The following LRRC45 variants were observed in gnomAD, a reference collection of about 807,000 sequenced individuals.
LRRC45 encodes leucine-rich repeat-containing protein 45.
A neutral mutation model predicts 85.4 loss-of-function variants in LRRC45; 73 were observed. That is an observed-to-expected ratio of 0.85 (90% CI 0.71 to 1.04). LRRC45 has a LOEUF of 1.04. Among genes scored for constraint, LRRC45 ranks in the 50% least tolerant of loss-of-function variants. The pLI, the probability that LRRC45 is intolerant of heterozygous loss-of-function variation, is 0.00. For synonymous variants in LRRC45, 429 were observed against 386.0 expected, an observed-to-expected ratio of 1.11 and a Z score of -1.31; for missense variants, 937 against 883.3, an observed-to-expected ratio of 1.06 and a Z score of -0.77.
chr17:82,026,838 C>T, intron 5 of LRRC45, 61 bp from the exon 6 acceptor site: 2 of 1,431,910 alleles, frequency 1.4e-6, no homozygotes, highest in Non-Finnish European at 1.9e-6. Context: ...CCTCGACCTC[C>T]CAAAGTGCTG....
At chr17:82,025,252 G>A (rs915819133) in intron 4 of LRRC45, 74 bp downstream of exon 4, 3 of 1,535,372 alleles carry the variant, frequency 2.0e-6, no homozygotes, top group East Asian at 2.3e-5. Flanking sequence ...TGAGGGGCTA[G>A]GGGACTGGCC....
At position 82,028,085 on chromosome 17, in the gene LRRC45, C is replaced by T. The variant is rs2043384462; in HGVS notation, c.986C>T (p.Ala329Val). Reference protein sequence around the residue: ...AQDLGELLATAEQEQLSLSQR... With the variant: ...AQDLGELLATVEQEQLSLSQR... The stretch of plus-strand genomic sequence containing the variant: ...GACCTGGGGGAGCTCCTGGCCACAG[C>T]GGAGCAGGAGCAGCTGAGCCTGTCA... The change falls in exon 9 of 17, where the codon GCG becomes GTG. Residue 329 changes from alanine to valine, a missense_variant. Coordinates refer to ENST00000306688, the MANE Select transcript of LRRC45 (RefSeq NM_144999.4). 5 of 1,590,474 alleles carry T rather than the reference C, an allele frequency of 3.1e-6. No homozygotes were observed. The highest frequency in any genetic ancestry group is 4.3e-6 in the Non-Finnish European group (5 of 1,170,116).
At chr17:82,027,953 C>T (rs2043383202) in intron 8 of LRRC45, 58 bp from the exon 9 acceptor site, 1 of 1,552,536 alleles carries the variant, frequency 6.4e-7, no homozygotes, top group South Asian at 1.2e-5. Context: ...GCAGCGAGGC[C>T]TTTATAAGGC....
Position 82,030,125 on chromosome 17 carries a change from G to T in LRRC45, c.1555G>T (p.Ala519Ser). The T allele has an allele frequency of 6.5e-7, 1 of 1,547,858 alleles. No homozygotes were observed. The highest frequency in any genetic ancestry group is 1.2e-5 in the South Asian group (1 of 84,034). Residue 519 changes from alanine (A) to serine (S), a missense_variant, in exon 15 of 17, where the codon GCG (alanine) becomes TCG (serine). Ala to Ser is a moderately conservative substitution (Grantham distance 99, BLOSUM62 1). Transcript: ENST00000306688. ...ACTGCTGGCGCAGGCACGGGACGAG[G>T]CGCAGGGCGCTTGCCTACAGCAGAA... is the stretch of plus-strand genomic sequence containing the variant. Reference protein sequence around the residue: ...LRLLAQARDEAQGACLQQKQV... With the variant: ...LRLLAQARDESQGACLQQKQV...
intron 5 of LRRC45, among the ~76,000 whole-genome samples, chr17:82,026,621 C>T (rs1240537305): frequency 1.4e-5 from 2 of 143,812 alleles, no homozygotes; most frequent in Non-Finnish European, 3.0e-5. Flanking sequence ...ACTCAGTCAC[C>T]CAGGCTGGAG....
intron 5 of LRRC45, among the ~76,000 whole-genome samples, chr17:82,026,564 TTGTGTGTGTGTGTGTGTG>T (rs550616399): frequency 2.2e-5 from 3 of 137,464 alleles, no homozygotes; most frequent in East Asian, 2.2e-4. Flanking sequence ...CACAGCTCCT[TTGTGTGTGTGTGTGTGTG>T]TGTGTGTGTG....
At chr17:82,025,788 G>T (rs1328831352) in intron 5 of LRRC45, among the ~76,000 whole-genome samples, 2 of 152,198 alleles carry the variant, frequency 1.3e-5, no homozygotes, top group East Asian at 1.9e-4. Flanking sequence ...AGGCCGTGTG[G>T]CTCACAGTCC....
At position 82,030,741 on chromosome 17, in the gene LRRC45, T is replaced by G. The variant is rs1568017267; in HGVS notation, c.1949T>G (p.Leu650Arg). The change falls in exon 17 of 17, where the codon CTG becomes CGG. Residue 650 changes from leucine to arginine, a missense_variant. Coordinates refer to ENST00000306688, the MANE Select transcript of LRRC45 (RefSeq NM_144999.4). ...GAGGAGGCCCAGAGGGCGAGCTTCC[T>G]GCAGAACGCCGTCCTGGCTTACGTG... ...RDEEAQRASF[L>R]QNAVLAYVQA... is the part of the protein sequence containing the mutation. 2.7e-6 allele frequency: 4 copies of G among 1,479,264 alleles called. No homozygotes were observed. Among genetic ancestry groups the G allele is most frequent in the Non-Finnish European group, 2.7e-6 (3 of 1,103,622 alleles). 91.6% of individuals were successfully genotyped at this position (1,479,264 alleles called of 1,614,324 possible). A position where few individuals can be genotyped will look rare whatever the true frequency, so the allele number is the denominator to read the frequency against.
chr17:82,027,932 C>T, intron 8 of LRRC45, 79 bp from the exon 9 acceptor site: 1 of 1,540,488 alleles, frequency 6.5e-7, no homozygotes, highest in Non-Finnish European at 8.7e-7. Flanking sequence ...AGGTGCCCAG[C>T]AACAGTGAAA....
In LRRC45 at chr17:82,028,784, T is replaced by C. The variant is rs954226224; in HGVS notation, c.1308+101T>C. On this transcript the variant is annotated intron_variant, in intron 12 of 16. Transcript: ENST00000306688. ...CTGGTGGGAGCTTCCCTTGCCAACC[T>C]TGGGTCACTGGGTGGCCGTATTTTG... 7 of 1,314,850 alleles carry C rather than the reference T, an allele frequency of 5.3e-6. No homozygotes were observed. In the African/African-American group the frequency reaches 5.9e-5, roughly 11 times the overall value. 81.4% of individuals were successfully genotyped at this position (1,314,850 alleles called of 1,614,324 possible).
chr17:82,029,367 G>A (rs536183637), intron 13 of LRRC45, 176 bp from the exon 14 acceptor site: 45 of 899,630 alleles, frequency 5.0e-5, no homozygotes, highest in Non-Finnish European at 7.2e-5. Flanking sequence ...GGTGGCATTC[G>A]GACTTCCTTG....
At position 82,030,823 on chromosome 17, in the gene LRRC45, C is replaced by T. The variant is rs535394456; in HGVS notation, c.*18C>T. ...CAAAGTGAGACAGGCCGGGAGGACC[C>T]GGGCGCAGTAGGAGTGCATCAGGCG... is the stretch of plus-strand genomic sequence containing the variant. On this transcript the variant is annotated 3_prime_UTR_variant, in exon 17 of 17. Coordinates refer to ENST00000306688, the MANE Select transcript of LRRC45 (RefSeq NM_144999.4). The T allele has an allele frequency of 2.7e-5, 36 of 1,330,452 alleles. No homozygotes were observed. The East Asian group carries it at 9.5e-4, about 35-fold the overall frequency. 82.4% of individuals were successfully genotyped at this position (1,330,452 alleles called of 1,614,324 possible).
Position 82,023,453 on chromosome 17 carries a change from G to A in LRRC45, c.-191G>A. On this transcript the variant is annotated 5_prime_UTR_variant, in exon 1 of 17. Coordinates refer to ENST00000306688, the MANE Select transcript of LRRC45 (RefSeq NM_144999.4). ...AAGCACTGCGGGGCCCCAGCCCAAA[G>A]CGGACCTTGACTACCGCCCAGCCCC... is the stretch of plus-strand genomic sequence containing the variant. 1 of 574,146 alleles carries A rather than the reference G, an allele frequency of 1.7e-6. No individual in the cohort carries two copies. Among genetic ancestry groups the A allele is most frequent in the East Asian group, 3.2e-5 (1 of 31,578 alleles). The allele number at this position is 574,146 out of a possible 1,614,324, so 35.6% of individuals were successfully genotyped here. A position where few individuals can be genotyped will look rare whatever the true frequency, so the allele number is the denominator to read the frequency against.
At chr17:82,026,677 C>T in intron 5 of LRRC45, 1 of 398,112 alleles carries the variant, frequency 2.5e-6, no homozygotes. Flanking sequence ...CCTCCCGGTT[C>T]AAGCGATTTT....
Position 82,027,002 on chromosome 17 carries a change from G to T in LRRC45, c.765G>T (p.Lys255Asn). 6.3e-7 allele frequency: 1 copy of T among 1,597,324 alleles called. No individual in the cohort carries two copies. ...SKEVQHLREE[K>N]SKQFLDLMET... Reference sequence around the variant, plus strand: ...AGGTCCAGCACCTCCGGGAGGAGAAGTCCAAGCAGGTGAGGATGGCGCCTT... The same window carrying T: ...AGGTCCAGCACCTCCGGGAGGAGAATTCCAAGCAGGTGAGGATGGCGCCTT... The change falls in exon 6 of 17, where the codon AAG (lysine) becomes AAT (asparagine). Residue 255 changes from lysine (K) to asparagine (N), a missense_variant. Physicochemically the swap from Lys to Asn is moderately conservative, Grantham distance 94. Coordinates refer to ENST00000306688, the MANE Select transcript of LRRC45 (RefSeq NM_144999.4).
chr17:82,023,993 C>A (rs1343175939), intron 1 of LRRC45, 130 bp downstream of exon 1: 6 of 864,812 alleles, frequency 6.9e-6, no homozygotes, highest in African/African-American at 3.4e-5. Flanking sequence ...AGGGGCGCCC[C>A]TTCCTGCACC....
chr17:82,023,594 T>G lies in LRRC45; in HGVS notation c.-50T>G. On this transcript the variant is annotated 5_prime_UTR_variant, in exon 1 of 17. Transcript: ENST00000306688. Reference sequence around the variant, plus strand: ...ACTGCTCCGCACCGCGCGGCTCCCTTTCAGCAGCTGCGGGAGCATGCGGAG... The same window carrying G: ...ACTGCTCCGCACCGCGCGGCTCCCTGTCAGCAGCTGCGGGAGCATGCGGAG... 1 of 1,455,970 alleles carries G rather than the reference T, an allele frequency of 6.9e-7. No homozygotes were observed. Among genetic ancestry groups the G allele is most frequent in the Middle Eastern group, 2.5e-4 (1 of 4,016 alleles). The allele number at this position is 1,455,970 out of a possible 1,614,324, so 90.2% of individuals were successfully genotyped here.
rs1278246588 is a variant in LRRC45, at chr17:82,025,181, G to A, written c.532+3G>A. On this transcript the variant is annotated splice_donor_region_variant and intron_variant, in intron 4 of 16. Transcript: ENST00000306688. ...CAACACCACCCTCCAGCAGCTGGGT[G>A]AGGCCTCCCAGGCGCCCTCAGGCTC... The A allele has an allele frequency of 6.3e-7, 1 of 1,588,136 alleles. No homozygotes were observed. The highest frequency in any genetic ancestry group is 1.7e-5 in the Admixed American group (1 of 57,388).
chr17:82,025,630 C>A, intron 5 of LRRC45, 123 bp downstream of exon 5: 1 of 1,274,164 alleles, frequency 7.8e-7, no homozygotes, highest in Non-Finnish European at 1.0e-6. Flanking sequence ...CCAGGGGAAG[C>A]AGGAAGGAGC....
Sources: allele counts gnomAD v4.1 joint callset (sites outside exome capture counted in the v4.1 genomes callset), GRCh38; gene constraint gnomAD v4.1.1; transcripts MANE v1.5; gene names NCBI Gene and HGNC (gene_info 2026-07-23, HGNC 2026-07-21).